MINK1: variants seen among roughly 807,000 people sequenced by gnomAD.
MINK1 encodes misshapen like kinase 1.
A neutral mutation model predicts 178.4 loss-of-function variants in MINK1; 46 were observed. The observed-to-expected ratio is 0.26, with a 90% CI of 0.20 to 0.33. The LOEUF is 0.33. Among genes scored for constraint, MINK1 ranks in the 10% least tolerant of loss-of-function variants. The probability of loss-of-function intolerance (pLI) is 1.00; values close to 1 mark genes in which losing one functional copy is unlikely to be tolerated. For missense variants in MINK1, 1,366 were observed against 1,814.9 expected (o/e 0.75, Z 4.49); for synonymous variants, 797 against 709.7 (o/e 1.12, Z -1.96).
At chr17:4,840,384 G>A (rs1385666017) in intron 1 of MINK1, among the ~76,000 whole-genome samples, 6 of 151,888 alleles carry the variant, frequency 4.0e-5, no homozygotes, top group Non-Finnish European at 7.4e-5. Flanking sequence ...CCTGTGGGAG[G>A]GGAAAAAAAA....
At chr17:4,890,889 A>T in intron 14 of MINK1, 62 bp from the exon 15 acceptor site, 1 of 1,547,130 alleles carries the variant, frequency 6.5e-7, no homozygotes, top group Non-Finnish European at 8.7e-7. Flanking sequence ...GGCAGGTGGG[A>T]CCCTCAGTTT....
Position 4,833,486 on chromosome 17 carries a change from C to T in MINK1, c.-98C>T. 2.8e-6 allele frequency: 3 copies of T among 1,065,908 alleles called. No homozygotes were observed. The highest frequency in any genetic ancestry group is 3.1e-5 in the East Asian group (1 of 32,112). 66.0% of individuals were successfully genotyped at this position (1,065,908 alleles called of 1,614,324 possible). A position where few individuals can be genotyped will look rare whatever the true frequency, so the allele number is the denominator to read the frequency against. ...CCGGGGGAGGCGCGGTGGAGTCCGCCCCCGGGGTTCTCCGATGGGGGAGAA... is the reference window on the plus strand; with the variant it reads ...CCGGGGGAGGCGCGGTGGAGTCCGCTCCCGGGGTTCTCCGATGGGGGAGAA... On this transcript the variant is annotated 5_prime_UTR_variant, in exon 1 of 32. Transcript: ENST00000355280. The surrounding 1 kb of genome is among the most constrained non-coding windows in gnomAD (Gnocchi z 4.8).
intron 16 of MINK1, 83 bp from the exon 17 acceptor site, chr17:4,892,066 C>T (rs978415164): frequency 2.6e-6 from 3 of 1,155,370 alleles, no homozygotes; most frequent in African/African-American, 3.1e-5. Flanking sequence ...AGTGGGGGAG[C>T]TCACCTCTCA....
intron 1 of MINK1, among the ~76,000 whole-genome samples, chr17:4,845,449 C>T (rs945706969): frequency 1.3e-5 from 2 of 151,910 alleles, no homozygotes; most frequent in African/African-American, 4.8e-5. Context: ...GAAATAAGGT[C>T]GTTTAGGGGA....
chr17:4,881,068 G>A (rs1412745863), intron 3 of MINK1, 28 bp downstream of exon 3: 1 of 1,534,540 alleles, frequency 6.5e-7, no homozygotes, highest in Admixed American at 2.0e-5. Flanking sequence ...GCAGTGGGAG[G>A]GTCGGACCAG....
rs1400848901 is a variant in MINK1, at chr17:4,884,352, T to G, written c.307-11T>G. ...GATACTTTTCCTTTCGGTACCTTCC[T>G]GGGATCCTAGCTGGTGATGGAGTTC... On this transcript the variant is annotated splice_polypyrimidine_tract_variant and intron_variant, in intron 4 of 31. Transcript: ENST00000355280. The G allele has an allele frequency of 6.2e-7, 1 of 1,612,184 alleles. No individual in the cohort carries two copies. The highest frequency in any genetic ancestry group is 1.3e-5 in the African/African-American group (1 of 74,996).
intron 1 of MINK1, among the ~76,000 whole-genome samples, chr17:4,842,739 C>T (rs567714571): frequency 2.0e-5 from 3 of 152,152 alleles, no homozygotes; most frequent in South Asian, 2.1e-4. Flanking sequence ...GCCTAAGCAG[C>T]GTGAGGCAAA....
At chr17:4,850,968 C>G (rs902494705) in intron 1 of MINK1, 2 of 457,574 alleles carry the variant, frequency 4.4e-6, no homozygotes, top group Non-Finnish European at 8.8e-6. Flanking sequence ...GTGTCTGCTT[C>G]CCAGGGACTG....
chr17:4,895,275 TG>T lies in MINK1; in HGVS notation c.3085+35del. On this transcript the variant is annotated intron_variant, in intron 25 of 31. Coordinates refer to ENST00000355280, the MANE Select transcript of MINK1 (RefSeq NM_153827.5). The surrounding 1 kb of genome is among the most constrained non-coding windows in gnomAD (Gnocchi z 4.3). Reference sequence around the variant, plus strand: ...AGGGCAGGGACAGCTGAGGAGGCTCTGGCGTGGCTCTTGTGCTCCTGGTTAG... The same window carrying T: ...AGGGCAGGGACAGCTGAGGAGGCTCTGCGTGGCTCTTGTGCTCCTGGTTAG... 1 of 1,612,200 alleles carries T rather than the reference TG, an allele frequency of 6.2e-7. No homozygotes were observed. Among genetic ancestry groups the T allele is most frequent in the South Asian group, 1.1e-5 (1 of 91,016 alleles).
At chr17:4,859,863 TA>T (rs112114937) in intron 1 of MINK1, among the ~76,000 whole-genome samples, 19,272 of 142,492 alleles carry the variant, frequency 0.14, 1,562 homozygotes, top group African/African-American at 0.24. Context: ...CTAAAGTACT[TA>T]AAAAAAAAAC....
Position 4,895,596 on chromosome 17 carries a change from C to G in MINK1, c.3230-102C>G, listed in dbSNP as rs937663371. ...GCAGGCACTGGAAGGTGGGGCCACACTTTCTCACCCCTTGTGGTATGCTGA... is the reference window on the plus strand; with the variant it reads ...GCAGGCACTGGAAGGTGGGGCCACAGTTTCTCACCCCTTGTGGTATGCTGA... On this transcript the variant is annotated intron_variant, in intron 26 of 31. Coordinates refer to ENST00000355280, the MANE Select transcript of MINK1 (RefSeq NM_153827.5). This position sits in a 1 kb window ranked among gnomAD's most constrained non-coding sequence, Gnocchi z 4.3. 5 of 1,549,870 alleles carry G rather than the reference C, an allele frequency of 3.2e-6. No individual in the cohort carries two copies. Among genetic ancestry groups the G allele is most frequent in the African/African-American group, 2.7e-5 (2 of 73,930 alleles).
rs531966965 is a variant in MINK1 at position 4,886,289 on chromosome 17, C to T, written c.773+91C>T. 1.9e-6 allele frequency: 3 copies of T among 1,545,164 alleles called. No homozygotes were observed. Among genetic ancestry groups the T allele is most frequent in the East Asian group, 2.2e-5 (1 of 44,488 alleles). ...GCCCTCTGTGCTCAGGCTTGGATCT[C>T]ACCAGAGAAGAGATTCTGGGGGGCA... On this transcript the variant is annotated intron_variant, in intron 9 of 31. Coordinates refer to ENST00000355280, the MANE Select transcript of MINK1 (RefSeq NM_153827.5). This position sits in a 1 kb window ranked among gnomAD's most constrained non-coding sequence, Gnocchi z 6.1.
Position 4,894,590 on chromosome 17 carries a change from G to A in MINK1, c.2874G>A (p.Gly958=), listed in dbSNP as rs1442608662. The change falls in exon 24 of 32, where the codon GGG becomes GGA. Residue 958 remains glycine (G), a synonymous_variant. Transcript: ENST00000355280. The surrounding 1 kb of genome is among the most constrained non-coding windows in gnomAD (Gnocchi z 4.1). ...CGTTCACGATGTTTGTGGATCTAGG[G>A]ATCTACCAGCCTGGAGGCAGTGGGG... ...KSSFTMFVDL[G]IYQPGGSGDS... 6.2e-7 allele frequency: 1 copy of A among 1,609,230 alleles called. No individual in the cohort carries two copies. Among genetic ancestry groups the A allele is most frequent in the East Asian group, 2.2e-5 (1 of 44,758 alleles).
chr17:4,854,003 G>T lies in MINK1; in HGVS notation c.57+20363G>T, dbSNP rs542336771. Reference sequence around the variant, plus strand: ...TGCAGTTCTGTATTTTCCCTTAGAAGGTTCTGGAGGCAGACGGAACCTCAG... The same window carrying T: ...TGCAGTTCTGTATTTTCCCTTAGAATGTTCTGGAGGCAGACGGAACCTCAG... On this transcript the variant is annotated intron_variant, in intron 1 of 31. Coordinates refer to ENST00000355280, the MANE Select transcript of MINK1 (RefSeq NM_153827.5). Among the ~76,000 whole-genome samples the T allele has an allele frequency of 3.3e-5, 5 of 152,244 alleles. No homozygotes were observed. The South Asian group carries it at 8.3e-4, about 25-fold the overall frequency.
intron 1 of MINK1, among the ~76,000 whole-genome samples, chr17:4,874,304 G>A (rs1051765962): frequency 2.6e-5 from 4 of 152,176 alleles, no homozygotes; most frequent in Non-Finnish European, 4.4e-5. Flanking sequence ...CCCTGCTTAG[G>A]GCTTAGCCCA....
rs1567619141 is a variant in MINK1 at position 4,892,970 on chromosome 17, G to T, written c.2312-9G>T. ...GGCATCAGTGACCTTCTTCCACCCT[G>T]CCGTCCAGTCTCCTCCAAACCGGAC... On this transcript the variant is annotated splice_polypyrimidine_tract_variant and intron_variant, in intron 19 of 31. Transcript: ENST00000355280. 2 of 1,558,148 alleles carry T rather than the reference G, an allele frequency of 1.3e-6. No individual in the cohort carries two copies. The highest frequency in any genetic ancestry group is 4.9e-5 in the East Asian group (2 of 41,100).
chr17:4,893,789 C>T lies in MINK1; in HGVS notation c.2564+192C>T, dbSNP rs1254239197. Reference sequence around the variant, plus strand: ...GTTGTGGGGTGGCCTCTTCAAGTGCCTGTCTGCCCCTGTGCCAGCCTGCCC... The same window carrying T: ...GTTGTGGGGTGGCCTCTTCAAGTGCTTGTCTGCCCCTGTGCCAGCCTGCCC... On this transcript the variant is annotated intron_variant, in intron 21 of 31. Coordinates refer to ENST00000355280, the MANE Select transcript of MINK1 (RefSeq NM_153827.5). 3.3e-5 allele frequency: 31 copies of T among 940,886 alleles called. No homozygotes were observed. In the Admixed American group the frequency reaches 9.0e-4, roughly 27 times the overall value. The allele number at this position is 940,886 out of a possible 1,614,324, so 58.3% of individuals were successfully genotyped here.
chr17:4,833,777 C>G lies in MINK1; in HGVS notation c.57+137C>G. ...TCCCCTTGGCGACCCGTGCCCCTTT[C>G]CCGGACTCCCGCCGCGGCTGGGCCC... On this transcript the variant is annotated intron_variant, in intron 1 of 31. Transcript: ENST00000355280. The surrounding 1 kb of genome is among the most constrained non-coding windows in gnomAD (Gnocchi z 4.8). 3.2e-6 allele frequency: 2 copies of G among 633,604 alleles called. No individual in the cohort carries two copies. Among genetic ancestry groups the G allele is most frequent in the South Asian group, 2.3e-5 (1 of 43,386 alleles). 39.2% of individuals were successfully genotyped at this position (633,604 alleles called of 1,614,324 possible). A position where few individuals can be genotyped will look rare whatever the true frequency, so the allele number is the denominator to read the frequency against.
In MINK1 at chr17:4,894,688, G is replaced by A. The variant is rs2151068856; in HGVS notation, c.2917+55G>A. On this transcript the variant is annotated intron_variant, in intron 24 of 31. Coordinates refer to ENST00000355280, the MANE Select transcript of MINK1 (RefSeq NM_153827.5). This position sits in a 1 kb window ranked among gnomAD's most constrained non-coding sequence, Gnocchi z 4.1. Reference sequence around the variant, plus strand: ...GGCCAGGGTCCAGGGGCAGCCTGGAGGGGAGCACAGTGGTCTTGAGACGCA... The same window carrying A: ...GGCCAGGGTCCAGGGGCAGCCTGGAAGGGAGCACAGTGGTCTTGAGACGCA... 1.5e-6 allele frequency: 2 copies of A among 1,350,642 alleles called. No homozygotes were observed. Among genetic ancestry groups the A allele is most frequent in the Middle Eastern group, 1.8e-4 (1 of 5,610 alleles). The allele number at this position is 1,350,642 out of a possible 1,614,324, so 83.7% of individuals were successfully genotyped here. A position where few individuals can be genotyped will look rare whatever the true frequency, so the allele number is the denominator to read the frequency against.
Sources: allele counts gnomAD v4.1 joint callset (sites outside exome capture counted in the v4.1 genomes callset), GRCh38; gene constraint gnomAD v4.1.1; non-coding constraint Gnocchi (gnomAD v3.1); transcripts MANE v1.5; gene names NCBI Gene and HGNC (gene_info 2026-07-23, HGNC 2026-07-21).